The following ZNF599 variants were observed in gnomAD, a reference collection of about 807,000 sequenced individuals.
ZNF599 encodes the protein zinc finger protein 599.
A neutral mutation model predicts 11.7 loss-of-function variants in ZNF599; 10 were observed. That is an observed-to-expected ratio of 0.86 (90% CI 0.53 to 1.45). The LOEUF is 1.45. Ranked by LOEUF, ZNF599 falls within the 40% of genes most tolerant of loss-of-function variation. ZNF599 has a pLI of 0.00. For synonymous variants in ZNF599, 232 were observed against 253.2 expected, an observed-to-expected ratio of 0.92 and a Z score of 0.79; for missense variants, 688 against 713.6, an observed-to-expected ratio of 0.96 and a Z score of 0.41.
chr19:34,777,478 AAT>A (rs1262276830), upstream of ZNF599, among the ~76,000 whole-genome samples: 1 of 104,452 alleles, frequency 9.6e-6, no homozygotes, highest in Non-Finnish European at 1.8e-5. Context: ...TATATTAATT[AAT>A]ATATAATATA....
At chr19:34,769,943 A>G (rs1235123428) in intron 1 of ZNF599, among the ~76,000 whole-genome samples, 2 of 152,214 alleles carry the variant, frequency 1.3e-5, no homozygotes, top group East Asian at 1.9e-4. Context: ...TCAAGCAACT[A>G]AAAGTCTCCA....
the ZNF599 span, among the ~76,000 whole-genome samples, chr19:34,800,677 C>T: frequency 2.1e-5 from 3 of 142,622 alleles, no homozygotes; most frequent in Admixed American, 2.2e-4. Flanking sequence ...CTCACTGCAA[C>T]CTCTGCCCCC....
the ZNF599 span, among the ~76,000 whole-genome samples, chr19:34,800,044 A>G: frequency 2.6e-5 from 4 of 152,228 alleles, no homozygotes; most frequent in African/African-American, 4.8e-5. Context: ...TATGATGTGC[A>G]TCTTTACATA....
At chr19:34,786,985 A>G in the ZNF599 span, among the ~76,000 whole-genome samples, 1 of 152,146 alleles carries the variant, frequency 6.6e-6, no homozygotes, top group Non-Finnish European at 1.5e-5. Context: ...CCACCTGATA[A>G]TTTTTTAAAA....
chr19:34,802,287 G>T, the ZNF599 span, among the ~76,000 whole-genome samples: 1 of 152,198 alleles, frequency 6.6e-6, no homozygotes, highest in African/African-American at 2.4e-5. Flanking sequence ...GTCACAGCAT[G>T]GGAGAAGCCT....
chr19:34,782,015 T>G, the ZNF599 span, among the ~76,000 whole-genome samples: 1 of 152,176 alleles, frequency 6.6e-6, no homozygotes, highest in Non-Finnish European at 1.5e-5. Flanking sequence ...GGCCATTAGC[T>G]TTGGAACCCA....
At chr19:34,796,197 C>T in the ZNF599 span, among the ~76,000 whole-genome samples, 9 of 148,860 alleles carry the variant, frequency 6.0e-5, no homozygotes, top group Non-Finnish European at 9.0e-5. Flanking sequence ...TCCTCTTGTG[C>T]CTGAGGGGAC....
the ZNF599 span, among the ~76,000 whole-genome samples, chr19:34,789,126 C>G: frequency 6.6e-6 from 1 of 152,170 alleles, no homozygotes; most frequent in Non-Finnish European, 1.5e-5. Flanking sequence ...ACCCTTTACT[C>G]CTATGACTTT....
At chr19:34,762,562 A>C (rs2069119575) in intron 3 of ZNF599, among the ~76,000 whole-genome samples, 1 of 152,228 alleles carries the variant, frequency 6.6e-6, no homozygotes, top group East Asian at 1.9e-4. Flanking sequence ...TGTTTGTGAT[A>C]ACAAAAAACA....
the ZNF599 span, among the ~76,000 whole-genome samples, chr19:34,782,180 C>T: frequency 4.6e-5 from 7 of 152,338 alleles, no homozygotes; most frequent in East Asian, 1.3e-3. Context: ...CCTATTCCAC[C>T]ATCTCCAGTT....
the ZNF599 span, chr19:34,779,812 G>T: frequency 5.3e-6 from 1 of 190,338 alleles, no homozygotes; most frequent in Non-Finnish European, 1.1e-5. Context: ...CCCCAGTGTG[G>T]ACTCTCTGTT....
At chr19:34,795,354 T>C in the ZNF599 span, among the ~76,000 whole-genome samples, 1 of 152,148 alleles carries the variant, frequency 6.6e-6, no homozygotes, top group Non-Finnish European at 1.5e-5. Flanking sequence ...TGCTCACTGC[T>C]GCCTCGATCT....
chr19:34,795,820 T>TCTTTTC, the ZNF599 span, among the ~76,000 whole-genome samples: 2 of 152,128 alleles, frequency 1.3e-5, no homozygotes, highest in Non-Finnish European at 2.9e-5. Flanking sequence ...CATTTTCTTT[T>TCTTTTC]CTTTTTCTTT....
chr19:34,782,969 C>T, the ZNF599 span, among the ~76,000 whole-genome samples: 5 of 152,212 alleles, frequency 3.3e-5, no homozygotes, highest in Non-Finnish European at 7.3e-5. Context: ...TCCTCCCCAA[C>T]TTCCCAATTC....
At chr19:34,777,430 TAA>T (rs1491340185), upstream of ZNF599, among the ~76,000 whole-genome samples, 19 of 96,056 alleles carry the variant, frequency 2.0e-4, no homozygotes, top group African/African-American at 7.7e-4. Context: ...AATTAATATA[TAA>T]TATATGATAT....
intron 3 of ZNF599, chr19:34,762,787 C>T (rs1051543478): frequency 6.6e-6 from 1 of 152,086 alleles, no homozygotes; most frequent in African/African-American, 2.4e-5. Flanking sequence ...AATACACACA[C>T]ACAAGAATAC....
intron 3 of ZNF599, 37 bp downstream of exon 3, chr19:34,767,279 T>G (rs1187128379): frequency 7.7e-6 from 12 of 1,552,806 alleles, no homozygotes; most frequent in Non-Finnish European, 1.1e-5. Context: ...GTCTGCAGGC[T>G]GCCCTGATAC....
intron 3 of ZNF599, among the ~76,000 whole-genome samples, chr19:34,766,430 C>A (rs1359965880): frequency 6.6e-6 from 1 of 152,196 alleles, no homozygotes; most frequent in East Asian, 1.9e-4. Context: ...TGGTGGGATG[C>A]AGAGTGTAGT....
the ZNF599 span, among the ~76,000 whole-genome samples, chr19:34,787,242 TCA>T: frequency 6.6e-6 from 1 of 151,806 alleles, no homozygotes; most frequent in Non-Finnish European, 1.5e-5. Flanking sequence ...ATCATCATCA[TCA>T]TCATCATCAT....
Sources: gnomAD v4.1 joint callset for allele counts (sites outside exome capture counted in the v4.1 genomes callset) on GRCh38, gnomAD v4.1.1 for gene constraint, MANE v1.5 for transcripts, NCBI Gene and HGNC (gene_info 2026-07-23, HGNC 2026-07-21) for gene names.